Variants in PRCD observed in about 807,000 individuals in gnomAD.
The protein encoded by PRCD is photoreceptor disk component PRCD.
In PRCD, 12 loss-of-function variants were observed where a neutral mutation model predicts 10.1. That is an observed-to-expected ratio of 1.18 (90% confidence interval 0.76 to 1.92). The LOEUF (loss-of-function observed/expected upper bound fraction) is 1.92. Among genes scored for constraint, PRCD ranks in the 40% most tolerant of loss-of-function variants. The pLI, the probability that PRCD is intolerant of heterozygous loss-of-function variation, is 0.00. For synonymous variants in PRCD, 31 were observed against 26.2 expected (o/e 1.18, Z -0.56); for missense variants, 61 against 72.2 (o/e 0.84, Z 0.56).
Position 76,530,186 on chromosome 17 carries a change from C to T in PRCD, n.45+2353C>T, listed in dbSNP as rs928866940. ...GACCTCTGCTTCCCATTCCCGCCTC[C>T]GCTCCTCTCCTCCTTCCTACTCCAG... On this transcript the variant is annotated intron_variant and non_coding_transcript_variant, in intron 1 of 4. Transcript: ENST00000397633. The surrounding 1 kb of genome is among the most constrained non-coding windows in gnomAD (Gnocchi z 6.1). Among the ~76,000 whole-genome samples, 5 of 152,164 alleles carry T rather than the reference C, an allele frequency of 3.3e-5. No homozygotes were observed. The highest frequency in any genetic ancestry group is 5.9e-5 in the Non-Finnish European group (4 of 68,032).
At position 76,528,630 on chromosome 17, in the gene PRCD, G is replaced by A; in HGVS notation, n.45+797G>A. On this transcript the variant is annotated intron_variant and non_coding_transcript_variant, in intron 1 of 4. Transcript: ENST00000397633. The surrounding 1 kb of genome is among the most constrained non-coding windows in gnomAD (Gnocchi z 5.8). Reference sequence around the variant, plus strand: ...CGGTGGGCTGTGGACGAGATAGGAAGGGAAGGACAAACGTTACCAGAGGCA... The same window carrying A: ...CGGTGGGCTGTGGACGAGATAGGAAAGGAAGGACAAACGTTACCAGAGGCA... 1 of 1,273,196 alleles carries A rather than the reference G, an allele frequency of 7.9e-7. No homozygotes were observed. The highest frequency in any genetic ancestry group is 1.0e-6 in the Non-Finnish European group (1 of 1,001,044). The allele number at this position is 1,273,196 out of a possible 1,614,324, so 78.9% of individuals were successfully genotyped here.
chr17:76,553,030 G>A (rs535652059), intron 1 of PRCD: 2 of 151,848 alleles, frequency 1.3e-5, no homozygotes, highest in African/African-American at 2.4e-5. Flanking sequence ...GTTCAGGGGT[G>A]TTGGGACTGG....
intron 1 of PRCD, chr17:76,529,406 C>A: frequency 1.0e-6 from 1 of 985,032 alleles, no homozygotes; most frequent in Non-Finnish European, 1.2e-6. Flanking sequence ...TCGGCCGTTT[C>A]AAAATGTTTG....
intron 1 of PRCD, among the ~76,000 whole-genome samples, chr17:76,534,962 C>T (rs146838237): frequency 8.8e-4 from 134 of 152,346 alleles, no homozygotes; most frequent in Non-Finnish European, 1.6e-3. Context: ...GAGGAGCCTC[C>T]ACAGCCAGCC....
intron 3 of PRCD, 33 bp downstream of exon 3, chr17:76,542,666 G>C (rs2075006043): frequency 7.0e-7 from 1 of 1,431,374 alleles, no homozygotes; most frequent in African/African-American, 1.4e-5. Flanking sequence ...GGAGGGCAGA[G>C]GGCAAGGCTT....
upstream of PRCD, among the ~76,000 whole-genome samples, chr17:76,535,275 G>T (rs2074902707): frequency 6.6e-6 from 1 of 152,208 alleles, no homozygotes; most frequent in Non-Finnish European, 1.5e-5. Flanking sequence ...AGTGGGGAGG[G>T]CAGAGGTGAG....
At chr17:76,553,272 A>C (rs1304075971) in exon 2 of PRCD, 1 of 152,216 alleles carries the variant, frequency 6.6e-6, no homozygotes, top group African/African-American at 2.4e-5. Context: ...ACCCTTTCCT[A>C]AAACAATTTC....
downstream of PRCD, among the ~76,000 whole-genome samples, chr17:76,548,940 C>T (rs554000233): frequency 3.3e-5 from 5 of 152,244 alleles, no homozygotes; most frequent in East Asian, 3.9e-4. Flanking sequence ...GAAACCCAAG[C>T]GGACCACAGT....
chr17:76,531,742 C>A lies in PRCD; in HGVS notation n.45+3909C>A. The A allele has an allele frequency of 6.8e-7, 1 of 1,478,702 alleles. No homozygotes were observed. The highest frequency in any genetic ancestry group is 9.2e-7 in the Non-Finnish European group (1 of 1,082,022). 91.6% of individuals were successfully genotyped at this position (1,478,702 alleles called of 1,614,324 possible). A position where few individuals can be genotyped will look rare whatever the true frequency, so the allele number is the denominator to read the frequency against. On this transcript the variant is annotated intron_variant and non_coding_transcript_variant, in intron 1 of 4. Transcript: ENST00000397633. This position sits in a 1 kb window ranked among gnomAD's most constrained non-coding sequence, Gnocchi z 7.4. ...CTGAAGCTGGAGGCTGCCTCGGGCCCACCCTGAAGCTTCCAGGATAGTGGG... is the reference window on the plus strand; with the variant it reads ...CTGAAGCTGGAGGCTGCCTCGGGCCAACCCTGAAGCTTCCAGGATAGTGGG...
chr17:76,551,628 G>C (rs941084324), intron 1 of PRCD: 1 of 152,032 alleles, frequency 6.6e-6, no homozygotes, highest in Non-Finnish European at 1.5e-5. Context: ...CATGATCCCA[G>C]CTTTCTGAAC....
In PRCD at chr17:76,544,549, C is replaced by CT. The variant is rs1158911657; in HGVS notation, c.*900dup. The CT allele has an allele frequency of 2.2e-6, 1 of 456,628 alleles. No homozygotes were observed. The highest frequency in any genetic ancestry group is 2.3e-5 in the Admixed American group (1 of 42,580). The allele number at this position is 456,628 out of a possible 1,614,324, so 28.3% of individuals were successfully genotyped here. ...GGCAGGAGGCAGGGGGAAAGTCACA[C>CT]TAGGGAAGGAGCCTGCAGAGGCAAA... On this transcript the variant is annotated 3_prime_UTR_variant, in exon 5 of 5. Coordinates refer to ENST00000592014, the MANE Select transcript of PRCD (RefSeq NM_001077620.3).
Position 76,540,448 on chromosome 17 carries a change from G to C in PRCD, c.75-57G>C. ...CCAATGCGGCCTGGACCTGTGGAGGGACAGTGAGGGGCTGGGCACAGCCAT... is the reference window on the plus strand; with the variant it reads ...CCAATGCGGCCTGGACCTGTGGAGGCACAGTGAGGGGCTGGGCACAGCCAT... On this transcript the variant is annotated intron_variant, in intron 1 of 4. Transcript: ENST00000592014. This position sits in a 1 kb window ranked among gnomAD's most constrained non-coding sequence, Gnocchi z 5.0. 2.5e-6 allele frequency: 4 copies of C among 1,582,916 alleles called. No homozygotes were observed. Among genetic ancestry groups the C allele is most frequent in the African/African-American group, 1.3e-5 (1 of 74,448 alleles).
upstream of PRCD, chr17:76,537,455 T>C (rs1226485164): frequency 1.3e-6 from 2 of 1,597,614 alleles, no homozygotes; most frequent in African/African-American, 1.4e-5. Context: ...CGGGCCCACA[T>C]AGCCTGCACC....
At chr17:76,542,899 T>C (rs988777011) in intron 3 of PRCD, 130 bp from the exon 4 acceptor site, 6 of 588,212 alleles carry the variant, frequency 1.0e-5, no homozygotes, top group African/African-American at 1.8e-5. Context: ...GAGGTGGTCG[T>C]GCTGGGGCAT....
At chr17:76,529,042 GCGC>G in intron 1 of PRCD, 2 of 826,072 alleles carry the variant, frequency 2.4e-6, no homozygotes, top group Non-Finnish European at 2.7e-6. Context: ...TGCAGTCATT[GCGC>G]CCCCCCCCCA....
At chr17:76,537,332 G>C, upstream of PRCD, 1 of 1,466,390 alleles carries the variant, frequency 6.8e-7, no homozygotes, top group Middle Eastern at 2.0e-4. Flanking sequence ...CCCGGGCCCA[G>C]CCCTCCTCTG....
downstream of PRCD, chr17:76,549,950 T>C (rs1314616510): frequency 2.0e-5 from 3 of 152,178 alleles, no homozygotes; most frequent in Admixed American, 6.6e-5. Context: ...TTTGTTTTTT[T>C]GTTTGTTTTT....
At chr17:76,552,376 T>G (rs752757192) in intron 1 of PRCD, among the ~76,000 whole-genome samples, 1 of 150,966 alleles carries the variant, frequency 6.6e-6, no homozygotes, top group East Asian at 2.0e-4. Context: ...TTTTTTTGTA[T>G]TTTTAGTAGA....
chr17:76,545,126 C>T lies in PRCD; in HGVS notation c.*1476C>T, dbSNP rs751487523. Reference sequence around the variant, plus strand: ...GAGCAGATTGTGTTTACACCTTCCCCGCACACCCAGCCCACGCTCGCCTCT... The same window carrying T: ...GAGCAGATTGTGTTTACACCTTCCCTGCACACCCAGCCCACGCTCGCCTCT... On this transcript the variant is annotated 3_prime_UTR_variant, in exon 5 of 5. Coordinates refer to ENST00000592014, the MANE Select transcript of PRCD (RefSeq NM_001077620.3). 18 of 456,414 alleles carry T rather than the reference C, an allele frequency of 3.9e-5. No homozygotes were observed. Among genetic ancestry groups the T allele is most frequent in the South Asian group, 1.7e-4 (11 of 64,562 alleles). The allele number at this position is 456,414 out of a possible 1,614,324, so 28.3% of individuals were successfully genotyped here. A position where few individuals can be genotyped will look rare whatever the true frequency, so the allele number is the denominator to read the frequency against.
Sources: allele counts gnomAD v4.1 joint callset (sites outside exome capture counted in the v4.1 genomes callset), GRCh38; gene constraint gnomAD v4.1.1; non-coding constraint Gnocchi (gnomAD v3.1); transcripts MANE v1.5; gene names NCBI Gene and HGNC (gene_info 2026-07-23, HGNC 2026-07-21).